IFT46: variants seen among roughly 807,000 people sequenced by gnomAD.
IFT46 encodes intraflagellar transport protein 46 homolog.
A neutral mutation model predicts 39.6 loss-of-function variants in IFT46; 19 were observed. That is an observed-to-expected ratio of 0.48 (90% CI 0.33 to 0.70). IFT46 has a LOEUF of 0.70. Ranked by LOEUF, IFT46 falls within the 30% of genes least tolerant of loss-of-function variation. IFT46 has a pLI of 0.01. For missense variants in IFT46, 334 were observed against 364.8 expected, an observed-to-expected ratio of 0.92 and a Z score of 0.69; for synonymous variants, 117 against 134.8, an observed-to-expected ratio of 0.87 and a Z score of 0.91.
chr11:118,569,590 G>T (rs1938295610), upstream of IFT46, among the ~76,000 whole-genome samples: 1 of 152,202 alleles, frequency 6.6e-6, no homozygotes. Context: ...CTATAATGCA[G>T]TGCTTAAGGG....
At chr11:118,570,579 T>C (rs1384520282), upstream of IFT46, among the ~76,000 whole-genome samples, 2 of 152,172 alleles carry the variant, frequency 1.3e-5, no homozygotes, top group African/African-American at 2.4e-5. Context: ...TGCTGTTCGG[T>C]TGAGCTAAGG....
chr11:118,554,087 G>A (rs1184049753), intron 7 of IFT46, among the ~76,000 whole-genome samples: 1 of 142,916 alleles, frequency 7.0e-6, no homozygotes, highest in African/African-American at 2.6e-5. Flanking sequence ...GTCTAGCTCT[G>A]TTGCCCAGGC....
chr11:118,550,997 C>T (rs1951792959), intron 9 of IFT46, among the ~76,000 whole-genome samples: 1 of 148,362 alleles, frequency 6.7e-6, no homozygotes. Context: ...TGCCACTGCA[C>T]TCCAGCTTGG....
chr11:118,545,250 A>G (rs1951649274), intron 11 of IFT46, among the ~76,000 whole-genome samples, 159 bp downstream of exon 11: 2 of 151,704 alleles, frequency 1.3e-5, no homozygotes, highest in South Asian at 4.2e-4. Flanking sequence ...TGAAAACTCC[A>G]TCCCTGCCTC....
intron 6 of IFT46, 123 bp downstream of exon 6, chr11:118,554,867 G>T: frequency 1.3e-6 from 1 of 758,750 alleles, no homozygotes. Context: ...GCAAGGTTAA[G>T]AACTCCAATG....
At position 118,551,670 on chromosome 11, in the gene IFT46, C is replaced by CAAAA. The variant is rs537215530; in HGVS notation, c.672+112_672+115dup. ...GCCTGGGAAGAGCAAGACCCTGTCT[C>CAAAA]AAAAAAAAAAAAAAAAAAAAGTTAC... On this transcript the variant is annotated intron_variant, in intron 9 of 11. Coordinates refer to ENST00000264021, the MANE Select transcript of IFT46 (RefSeq NM_001168618.2). The CAAAA allele has an allele frequency of 7.1e-4, 329 of 460,406 alleles. 2 individuals carry two copies. The highest frequency in any genetic ancestry group is 2.4e-3 in the South Asian group (103 of 43,214). 28.5% of individuals were successfully genotyped at this position (460,406 alleles called of 1,614,324 possible).
At chr11:118,576,084 T>C (rs782685836), upstream of IFT46, among the ~76,000 whole-genome samples, 1 of 152,060 alleles carries the variant, frequency 6.6e-6, no homozygotes, top group Non-Finnish European at 1.5e-5. Flanking sequence ...TTAGGGATAT[T>C]TCAATAATCA....
upstream of IFT46, chr11:118,573,768 C>T (rs1555072925): frequency 1.6e-6 from 1 of 635,138 alleles, no homozygotes; most frequent in Non-Finnish European, 2.9e-6. Context: ...CACTGAACAG[C>T]TTTTCTCAGC....
At chr11:118,567,468 C>G (rs1209024759), upstream of IFT46, among the ~76,000 whole-genome samples, 1 of 151,916 alleles carries the variant, frequency 6.6e-6, no homozygotes, top group East Asian at 1.9e-4. Context: ...CCCAGCCACT[C>G]AGGAGGCTGC....
intron 3 of IFT46, chr11:118,557,360 G>A: frequency 2.5e-6 from 1 of 402,190 alleles, no homozygotes; most frequent in Non-Finnish European, 4.4e-6. Flanking sequence ...GGCCCGAAAA[G>A]CTATGGACTT....
rs782583366 is a variant in IFT46 at position 118,554,587 on chromosome 11, C to T, written c.355G>A (p.Val119Ile). The T allele has an allele frequency of 5.0e-6, 8 of 1,590,396 alleles. No homozygotes were observed. The highest frequency in any genetic ancestry group is 6.8e-6 in the Non-Finnish European group (8 of 1,173,376). The change falls in exon 7 of 12, where the codon GTC becomes ATC. Residue 119 changes from valine to isoleucine, a missense_variant and splice_region_variant. By Grantham distance (29) the Val-to-Ile change is conservative (BLOSUM62 3). Coordinates refer to ENST00000264021, the MANE Select transcript of IFT46 (RefSeq NM_001168618.2). ...TCAGGCTTTCCATCAGGACGTGGGACCTGGTTAAGAAAAAGGTAAGAAAGC... is the reference window on the plus strand; with the variant it reads ...TCAGGCTTTCCATCAGGACGTGGGATCTGGTTAAGAAAAAGGTAAGAAAGC... The part of the protein sequence containing the change: ...AVGDIDAFLK[V>I]PRPDGKPDNL...
chr11:118,576,034 C>T (rs187596841), upstream of IFT46, among the ~76,000 whole-genome samples: 6 of 149,718 alleles, frequency 4.0e-5, no homozygotes, highest in Non-Finnish European at 8.9e-5. Context: ...ACTTTAAAGA[C>T]ACAGAGCACT....
At chr11:118,569,305 A>G (rs1938291010), upstream of IFT46, among the ~76,000 whole-genome samples, 1 of 151,830 alleles carries the variant, frequency 6.6e-6, no homozygotes, top group Non-Finnish European at 1.5e-5. Context: ...TTTTTTTTAA[A>G]ATATTGACTG....
Position 118,572,560 on chromosome 11 carries a change from G to T in IFT46, c.-133+36C>A, listed in dbSNP as rs371926699. On this transcript the variant is annotated intron_variant, in intron 1 of 5. Coordinates refer to the IFT46 transcript ENST00000528378. ...CACCGCCCTCACCATGGTAAGATCC[G>T]AGCCAGGACCCGAACTCCTGGGGTC... 8 of 1,608,512 alleles carry T rather than the reference G, an allele frequency of 5.0e-6. No homozygotes were observed. In the African/African-American group the frequency reaches 8.0e-5, roughly 16 times the overall value.
intron 2 of IFT46, chr11:118,561,343 C>G: frequency 2.1e-6 from 2 of 946,890 alleles, no homozygotes; most frequent in Non-Finnish European, 3.4e-6. Flanking sequence ...AAGATGCTTA[C>G]AAGAACCAGT....
intron 7 of IFT46, 47 bp downstream of exon 7, chr11:118,554,412 A>G: frequency 1.3e-6 from 2 of 1,533,096 alleles, no homozygotes; most frequent in Non-Finnish European, 1.7e-6. Context: ...GGCCTCCTCC[A>G]CTCTTGGCCC....
At chr11:118,556,522 G>T (rs1397489064) in intron 4 of IFT46, among the ~76,000 whole-genome samples, 2 of 152,074 alleles carry the variant, frequency 1.3e-5, no homozygotes, top group East Asian at 1.9e-4. Context: ...GTAGAGACGA[G>T]GTCTTGCTAT....
intron 1 of IFT46, chr11:118,572,343 G>GGC: frequency 6.7e-6 from 1 of 148,444 alleles, no homozygotes; most frequent in Non-Finnish European, 1.4e-5. Context: ...CAGCCCACAG[G>GGC]CCCCGCCCCC....
intron 3 of IFT46, among the ~76,000 whole-genome samples, chr11:118,559,016 G>A (rs868970442): frequency 4.1e-5 from 6 of 148,130 alleles, no homozygotes; most frequent in African/African-American, 1.2e-4. Context: ...ACAGGCACCC[G>A]CCACCACGCC....
Sources: gnomAD v4.1 joint callset for allele counts (sites outside exome capture counted in the v4.1 genomes callset) on GRCh38, gnomAD v4.1.1 for gene constraint, MANE v1.5 for transcripts, NCBI Gene and HGNC (gene_info 2026-07-23, HGNC 2026-07-21) for gene names.